Variants in PHKB observed in about 807,000 individuals in gnomAD.
PHKB encodes the protein phosphorylase b kinase regulatory subunit beta.
A neutral mutation model predicts 152.1 loss-of-function variants in PHKB; 122 were observed. That is an observed-to-expected ratio of 0.80 (90% CI 0.69 to 0.93). The LOEUF (loss-of-function observed/expected upper bound fraction) is 0.93. Ranked by LOEUF, PHKB falls within the 40% of genes least tolerant of loss-of-function variation. The pLI, the probability that PHKB is intolerant of heterozygous loss-of-function variation, is 0.00. For synonymous variants in PHKB, 436 were observed against 464.9 expected (o/e 0.94, Z 0.80); for missense variants, 1,304 against 1,328.4 (o/e 0.98, Z 0.29).
At chr16:47,645,599 C>T (rs1404534464) in intron 16 of PHKB, among the ~76,000 whole-genome samples, 1 of 149,112 alleles carries the variant, frequency 6.7e-6, no homozygotes, top group Non-Finnish European at 1.5e-5. Flanking sequence ...CAGTACCGTG[C>T]TGTTTTGGTT....
intron 27 of PHKB, among the ~76,000 whole-genome samples, chr16:47,691,928 A>G (rs1008663671): frequency 1.3e-5 from 2 of 152,190 alleles, no homozygotes; most frequent in Admixed American, 1.3e-4. Flanking sequence ...TCATAACTTC[A>G]TATAACTCCA....
intron 6 of PHKB, among the ~76,000 whole-genome samples, chr16:47,523,081 T>C (rs1195130301): frequency 1.3e-5 from 2 of 151,950 alleles, no homozygotes; most frequent in African/African-American, 4.8e-5. Flanking sequence ...CCTTTGAGCA[T>C]ATTTAGAATA....
intron 14 of PHKB, among the ~76,000 whole-genome samples, chr16:47,630,675 C>A (rs1972811987): frequency 6.6e-6 from 1 of 152,192 alleles, no homozygotes; most frequent in Admixed American, 6.5e-5. Context: ...GTCTGGACCA[C>A]AGGCTGCCCA....
rs545288911 is a variant in PHKB at position 47,537,174 on chromosome 16, A to G, written c.595-10259A>G. Among the ~76,000 whole-genome samples, 8 of 152,364 alleles carry G rather than the reference A, an allele frequency of 5.3e-5. No individual in the cohort carries two copies. In the South Asian group the frequency reaches 1.7e-3, roughly 32 times the overall value. ...CTTCCTGTGGAATGAATATGGGGTT[A>G]AAAGGAAACATAGTAGTGTCAAAAG... On this transcript the variant is annotated intron_variant, in intron 6 of 30. Transcript: ENST00000323584.
At chr16:47,532,319 A>C (rs960092999) in intron 6 of PHKB, among the ~76,000 whole-genome samples, 2 of 152,224 alleles carry the variant, frequency 1.3e-5, no homozygotes, top group Non-Finnish European at 2.9e-5. Flanking sequence ...ACAATTCACC[A>C]GTTCAGCGTT....
Position 47,544,226 on chromosome 16 carries a change from G to T in PHKB, c.595-3207G>T, listed in dbSNP as rs138683156. ...TCCCAGTTTCTCCGATAGGCATTTA[G>T]TGCTATAAATTTCCCTCTACATACT... On this transcript the variant is annotated intron_variant, in intron 6 of 30. Transcript: ENST00000323584. Among the ~76,000 whole-genome samples, 1,143 of 152,294 alleles carry T rather than the reference G, an allele frequency of 7.5e-3. 20 individuals are homozygous for T. Among genetic ancestry groups the T allele is most frequent in the African/African-American group, 0.026 (1,083 of 41,542 alleles).
At chr16:47,468,624 G>C (rs964425881) in intron 1 of PHKB, among the ~76,000 whole-genome samples, 2 of 152,232 alleles carry the variant, frequency 1.3e-5, no homozygotes, top group Non-Finnish European at 2.9e-5. Context: ...TTGCACTCCA[G>C]CCTGGGCAAC....
intron 6 of PHKB, among the ~76,000 whole-genome samples, chr16:47,528,437 A>G (rs1014883218): frequency 7.9e-5 from 12 of 152,244 alleles, no homozygotes; most frequent in Admixed American, 3.3e-4. Context: ...AAAGGAAGAT[A>G]TAACTCCTGC....
intron 7 of PHKB, among the ~76,000 whole-genome samples, chr16:47,574,160 C>T (rs779877610): frequency 3.4e-4 from 52 of 152,104 alleles, no homozygotes; most frequent in Non-Finnish European, 7.4e-5. Flanking sequence ...CCTCAGGTGA[C>T]CCACCCGTTT....
At chr16:47,470,063 C>T (rs1969737603) in intron 1 of PHKB, among the ~76,000 whole-genome samples, 1 of 152,112 alleles carries the variant, frequency 6.6e-6, no homozygotes, top group Admixed American at 6.5e-5. Flanking sequence ...CACAGAAATC[C>T]TCTTGCCTAG....
At chr16:47,582,665 C>T (rs779590392) in intron 8 of PHKB, among the ~76,000 whole-genome samples, 2 of 152,206 alleles carry the variant, frequency 1.3e-5, no homozygotes, top group Non-Finnish European at 2.9e-5. Context: ...AACAACTGCT[C>T]TAAGCCGAGT....
intron 14 of PHKB, among the ~76,000 whole-genome samples, chr16:47,611,642 T>TA (rs531272310): frequency 1.3e-4 from 19 of 151,054 alleles, no homozygotes; most frequent in South Asian, 4.2e-4. Flanking sequence ...TCCTTATATT[T>TA]AAAAAAAAAT....
At chr16:47,545,946 C>A (rs972218483) in intron 6 of PHKB, among the ~76,000 whole-genome samples, 2 of 152,210 alleles carry the variant, frequency 1.3e-5, no homozygotes, top group Non-Finnish European at 2.9e-5. Flanking sequence ...TCCATCAGAT[C>A]AGTTGAGGTC....
At chr16:47,674,864 A>G (rs939060626) in intron 26 of PHKB, among the ~76,000 whole-genome samples, 1 of 152,138 alleles carries the variant, frequency 6.6e-6, no homozygotes. Flanking sequence ...TCTACGGAAA[A>G]TCTTCCACCT....
intron 14 of PHKB, among the ~76,000 whole-genome samples, chr16:47,632,026 T>C (rs918530304): frequency 6.6e-6 from 1 of 152,184 alleles, no homozygotes; most frequent in Non-Finnish European, 1.5e-5. Context: ...ATCAACAAGC[T>C]GTCGTGTATT....
At chr16:47,621,108 T>C (rs1972610316) in intron 14 of PHKB, among the ~76,000 whole-genome samples, 1 of 152,174 alleles carries the variant, frequency 6.6e-6, no homozygotes, top group African/African-American at 2.4e-5. Flanking sequence ...TCCTAGCATC[T>C]CTGGAGTGTA....
At chr16:47,507,148 A>AT (rs1369847087) in intron 4 of PHKB, among the ~76,000 whole-genome samples, 2 of 151,908 alleles carry the variant, frequency 1.3e-5, no homozygotes, top group Non-Finnish European at 2.9e-5. Flanking sequence ...TAATTTTTGT[A>AT]TTTTTTGTAG....
chr16:47,595,736 G>A (rs563409209), intron 12 of PHKB, among the ~76,000 whole-genome samples: 1 of 152,210 alleles, frequency 6.6e-6, no homozygotes, highest in South Asian at 2.1e-4. Context: ...TTCATTTAAA[G>A]GTATTAAAAT....
chr16:47,645,765 A>G, intron 16 of PHKB, among the ~76,000 whole-genome samples: 1 of 149,872 alleles, frequency 6.7e-6, no homozygotes. Flanking sequence ...TGCAGCCAAA[A>G]AACACATGAA....
Sources: allele counts gnomAD v4.1 joint callset (sites outside exome capture counted in the v4.1 genomes callset), GRCh38; gene constraint gnomAD v4.1.1; transcripts MANE v1.5; gene names NCBI Gene and HGNC (gene_info 2026-07-23, HGNC 2026-07-21).